The following EPB41L3 variants were observed in gnomAD, a reference collection of about 807,000 sequenced individuals.
EPB41L3 encodes the protein band 4.1-like protein 3.
EPB41L3 carries 57 observed loss-of-function variants against 127.1 expected under a neutral mutation model. That is an observed-to-expected ratio of 0.45 (90% CI 0.36 to 0.56). EPB41L3 has a LOEUF of 0.56. Among genes scored for constraint, EPB41L3 ranks in the 20% least tolerant of loss-of-function variants. The pLI is 0.00. For synonymous variants in EPB41L3, 572 were observed against 549.5 expected (o/e 1.04, Z -0.57); for missense variants, 1,273 against 1,372.2 (o/e 0.93, Z 1.14).
In EPB41L3 at chr18:5,567,825, A is replaced by C. The variant is rs145985468; in HGVS notation, c.-306+44515T>G. On this transcript the variant is annotated intron_variant, in intron 3 of 21. Coordinates refer to the EPB41L3 transcript ENST00000545076. ...TAATAATTATTTGTCATAATATGTA[A>C]TATGTTTGTGTCATTTATGTCTAAG... is the stretch of plus-strand genomic sequence containing the variant. 3.7e-3 allele frequency among the ~76,000 whole-genome samples: 559 copies of C among 152,300 alleles called. 2 individuals are homozygous for C. The highest frequency in any genetic ancestry group is 0.013 in the African/African-American group (531 of 41,586).
At chr18:5,586,453 G>C (rs2094442949) in intron 3 of EPB41L3, among the ~76,000 whole-genome samples, 1 of 149,576 alleles carries the variant, frequency 6.7e-6, no homozygotes, top group Admixed American at 6.7e-5. Context: ...AGGTTGGAGT[G>C]CAGTGGCATA....
chr18:5,433,986 G>A lies in EPB41L3; in HGVS notation c.741C>T (p.Ser247=), dbSNP rs200327567. ...CAAAGCGGAACTCACTAATGTAATC[G>A]CTCCCACATTCATCTGGGTCATAGT... ...LGDYDPDECG[S]DYISEFRFAP... Residue 247 remains serine (S), a synonymous_variant, in exon 7 of 23, where the codon AGC becomes AGT. Transcript: ENST00000341928. 400 of 1,614,074 alleles carry A rather than the reference G, an allele frequency of 2.5e-4. 3 individuals are homozygous for A. In the East Asian group the frequency reaches 8.2e-3, roughly 33 times the overall value.
intron 1 of EPB41L3, among the ~76,000 whole-genome samples, chr18:5,493,752 C>CTGCTGTTGGTCTCACTT (rs2090864720): frequency 6.6e-6 from 1 of 152,134 alleles, no homozygotes; most frequent in Non-Finnish European, 1.5e-5. Context: ...TCACCACATC[C>CTGCTGTTGGTCTCACTT]TCCCACTCAC....
intron 3 of EPB41L3, among the ~76,000 whole-genome samples, chr18:5,607,235 TC>T (rs775412551): frequency 2.6e-4 from 40 of 151,780 alleles, no homozygotes; most frequent in Non-Finnish European, 4.3e-4. Flanking sequence ...CTCTCTGGAG[TC>T]AGATAGAAGA....
chr18:5,441,647 G>A (rs966995725), intron 5 of EPB41L3, among the ~76,000 whole-genome samples: 5 of 152,012 alleles, frequency 3.3e-5, no homozygotes, highest in Admixed American at 3.3e-4. Context: ...TGTATTTTTA[G>A]TAGAGACGGG....
At chr18:5,526,328 G>A (rs1342116571) in intron 1 of EPB41L3, among the ~76,000 whole-genome samples, 3 of 152,132 alleles carry the variant, frequency 2.0e-5, no homozygotes, top group Non-Finnish European at 4.4e-5. Flanking sequence ...ATGATGGAGG[G>A]TCCAGATGTC....
chr18:5,551,555 A>G (rs533023172), intron 3 of EPB41L3, among the ~76,000 whole-genome samples: 3 of 152,244 alleles, frequency 2.0e-5, no homozygotes, highest in East Asian at 1.9e-4. Flanking sequence ...TGAGACCCCA[A>G]CAAAAAATTT....
At chr18:5,506,078 C>T (rs569259912) in intron 1 of EPB41L3, among the ~76,000 whole-genome samples, 4 of 152,042 alleles carry the variant, frequency 2.6e-5, no homozygotes, top group East Asian at 2.0e-4. Flanking sequence ...TTACTTCCAC[C>T]ACTAGCCATC....
intron 14 of EPB41L3, among the ~76,000 whole-genome samples, chr18:5,408,391 A>G (rs1309301873): frequency 6.7e-6 from 1 of 149,830 alleles, no homozygotes; most frequent in Non-Finnish European, 1.5e-5. Flanking sequence ...CTCCTGCCTC[A>G]GCCTCCCAGG....
intron 2 of EPB41L3, among the ~76,000 whole-genome samples, chr18:5,484,831 C>T (rs1359279322): frequency 6.6e-6 from 1 of 151,092 alleles, no homozygotes; most frequent in African/African-American, 2.4e-5. Flanking sequence ...GTAATGAGAT[C>T]AAAGCTATAA....
At chr18:5,396,028 C>T (rs1394547531) in intron 19 of EPB41L3, among the ~76,000 whole-genome samples, 173 bp downstream of exon 19, 1 of 151,792 alleles carries the variant, frequency 6.6e-6, no homozygotes, top group Non-Finnish European at 1.5e-5. Flanking sequence ...TCATCTGCTG[C>T]TCCCTGATCA....
chr18:5,423,679 A>G, intron 10 of EPB41L3, 126 bp from the exon 11 acceptor site: 1 of 840,800 alleles, frequency 1.2e-6, no homozygotes, highest in Non-Finnish European at 1.8e-6. Flanking sequence ...ACTTGCAGTT[A>G]AATAAATCTG....
chr18:5,525,002 G>T (rs764003600), intron 1 of EPB41L3, among the ~76,000 whole-genome samples: 11 of 152,160 alleles, frequency 7.2e-5, no homozygotes, highest in Non-Finnish European at 1.0e-4. Context: ...CCTCTTGATT[G>T]AACTTATTTC....
intron 1 of EPB41L3, among the ~76,000 whole-genome samples, chr18:5,542,396 G>T (rs1406696346): frequency 6.6e-6 from 1 of 152,170 alleles, no homozygotes; most frequent in Non-Finnish European, 1.5e-5. Context: ...CTGTACTATA[G>T]AAGTTAATGC....
At chr18:5,616,429 A>G (rs1275189604) in intron 1 of EPB41L3, among the ~76,000 whole-genome samples, 5 of 152,186 alleles carry the variant, frequency 3.3e-5, no homozygotes, top group Admixed American at 3.3e-4. Context: ...AAGTGTTTTT[A>G]TGATGCAATA....
chr18:5,500,068 T>C (rs893971973), intron 1 of EPB41L3, among the ~76,000 whole-genome samples: 37 of 152,262 alleles, frequency 2.4e-4, no homozygotes, highest in Admixed American at 2.4e-3. Flanking sequence ...TAAAACAGAC[T>C]GAGCCTACAT....
Position 5,475,535 on chromosome 18 carries a change from T to C in EPB41L3, c.381+2706A>G, listed in dbSNP as rs145005309. Among the ~76,000 whole-genome samples, 463 of 152,348 alleles carry C rather than the reference T, an allele frequency of 3.0e-3. 3 individuals are homozygous for C. The highest frequency in any genetic ancestry group is 0.011 in the African/African-American group (444 of 41,594). On this transcript the variant is annotated intron_variant, in intron 3 of 22. Transcript: ENST00000341928. ...ACACTATGCTTCCACGGAAACAGCC[T>C]GTGATTACAAAATGGTTTTGACAAC...
chr18:5,553,871 C>G (rs2149159752), intron 3 of EPB41L3, among the ~76,000 whole-genome samples: 1 of 152,340 alleles, frequency 6.6e-6, no homozygotes, highest in Non-Finnish European at 1.5e-5. Flanking sequence ...TTCAAAGCCT[C>G]TGGGGGCCGT....
intron 1 of EPB41L3, among the ~76,000 whole-genome samples, chr18:5,620,683 C>T (rs543188728): frequency 1.6e-4 from 25 of 152,178 alleles, no homozygotes; most frequent in African/African-American, 5.3e-4. Flanking sequence ...TAAAAATATG[C>T]CATCTGACCT....
Sources: allele counts gnomAD v4.1 joint callset (sites outside exome capture counted in the v4.1 genomes callset), GRCh38; gene constraint gnomAD v4.1.1; transcripts MANE v1.5; gene names NCBI Gene and HGNC (gene_info 2026-07-23, HGNC 2026-07-21).